Variants in GRK7 observed in about 807,000 individuals in gnomAD.
The protein encoded by GRK7 is G protein-coupled receptor kinase 7.
A neutral mutation model predicts 34.1 loss-of-function variants in GRK7; 24 were observed. That is an observed-to-expected ratio of 0.70 (90% CI 0.51 to 0.99). The LOEUF (loss-of-function observed/expected upper bound fraction) is 0.99. Among genes scored for constraint, GRK7 ranks in the 50% least tolerant of loss-of-function variants. The probability of loss-of-function intolerance (pLI) is 0.00; values close to 1 mark genes in which losing one functional copy is unlikely to be tolerated. For synonymous variants in GRK7, 256 were observed against 279.4 expected (o/e 0.92, Z 0.84); for missense variants, 644 against 707.3 (o/e 0.91, Z 1.02).
At chr3:141,755,669 T>A in the GRK7 span, among the ~76,000 whole-genome samples, 47,072 of 152,010 alleles carry the variant, frequency 0.31, 10,039 homozygotes, top group African/African-American at 0.61. Flanking sequence ...TCAAATTAAA[T>A]AGACTGATAA....
At chr3:141,759,343 T>G (rs1479736966), upstream of GRK7, among the ~76,000 whole-genome samples, 2 of 121,362 alleles carry the variant, frequency 1.6e-5, no homozygotes, top group Non-Finnish European at 3.5e-5. Context: ...AATACCTAAT[T>G]TATTGAGAGT....
chr3:141,790,460 C>G (rs1405819198), intron 4 of GRK7, among the ~76,000 whole-genome samples: 1 of 152,166 alleles, frequency 6.6e-6, no homozygotes, highest in Non-Finnish European at 1.5e-5. Context: ...AGAAAAGGAT[C>G]AGCCCCACCT....
chr3:141,792,099 G>A (rs1182246157), intron 4 of GRK7, among the ~76,000 whole-genome samples: 1 of 150,214 alleles, frequency 6.7e-6, no homozygotes, highest in African/African-American at 2.5e-5. Flanking sequence ...TAGTGGGGAA[G>A]ATAGAACTTA....
intron 4 of GRK7, among the ~76,000 whole-genome samples, chr3:141,786,748 A>G (rs1485582345): frequency 2.6e-5 from 4 of 152,006 alleles, no homozygotes; most frequent in African/African-American, 4.8e-5. Context: ...ACTGCACTCC[A>G]GCCAGGGTGA....
chr3:141,768,765 G>C (rs1197824967), intron 1 of GRK7, among the ~76,000 whole-genome samples: 1 of 152,026 alleles, frequency 6.6e-6, no homozygotes, highest in Non-Finnish European at 1.5e-5. Context: ...CCTACTCCAG[G>C]AGCCAGTGGT....
At chr3:141,777,342 T>TTTTTTTTTTTTTTTTTTTTTTTTAG in intron 2 of GRK7, among the ~76,000 whole-genome samples, 1 of 123,934 alleles carries the variant, frequency 8.1e-6, no homozygotes, top group Admixed American at 8.5e-5. Context: ...TTTTTTTTTT[T>TTTTTTTTTTTTTTTTTTTTTTTTAG]GAGACGGAGT....
intron 4 of GRK7, among the ~76,000 whole-genome samples, chr3:141,788,946 C>T (rs898400679): frequency 2.6e-5 from 4 of 152,198 alleles, no homozygotes; most frequent in Admixed American, 2.6e-4. Flanking sequence ...CACTACTACG[C>T]CTGGCTGAGG....
At chr3:141,791,326 C>T (rs2107884608) in intron 4 of GRK7, among the ~76,000 whole-genome samples, 1 of 152,112 alleles carries the variant, frequency 6.6e-6, no homozygotes, top group Middle Eastern at 3.4e-3. Flanking sequence ...TTAATGCCTC[C>T]ATATGTCACA....
intron 4 of GRK7, among the ~76,000 whole-genome samples, chr3:141,786,108 T>C (rs2084695016): frequency 6.6e-6 from 1 of 152,112 alleles, no homozygotes; most frequent in Non-Finnish European, 1.5e-5. Context: ...TGTTCACTTC[T>C]AGCAGCAAAG....
At chr3:141,780,952 GC>G in intron 4 of GRK7, 141 bp downstream of exon 4, 1 of 711,674 alleles carries the variant, frequency 1.4e-6, no homozygotes. Context: ...TTGTCATCTT[GC>G]CTTAAGATGA....
intron 4 of GRK7, among the ~76,000 whole-genome samples, chr3:141,793,585 A>T (rs2084735745): frequency 6.6e-6 from 1 of 152,126 alleles, no homozygotes; most frequent in African/African-American, 2.4e-5. Context: ...TGGAGTTGGG[A>T]TGACTCTTCT....
At chr3:141,814,577 T>C (rs891918091) in intron 5 of GRK7, among the ~76,000 whole-genome samples, 4 of 152,250 alleles carry the variant, frequency 2.6e-5, no homozygotes, top group Non-Finnish European at 5.9e-5. Context: ...TATGGCTGCA[T>C]ATTATTCCAT....
intron 5 of GRK7, among the ~76,000 whole-genome samples, chr3:141,814,222 C>CT (rs1476219481): frequency 3.6e-5 from 2 of 55,542 alleles, no homozygotes; most frequent in Admixed American, 1.6e-4. Context: ...GAAGACATTT[C>CT]TTTAAAAAAA....
Position 141,817,200 on chromosome 3 carries a change from A to G in GRK7, c.*150A>G, listed in dbSNP as rs1711164376. On this transcript the variant is annotated 3_prime_UTR_variant, in exon 6 of 6. Transcript: ENST00000682958. ...TCAAAAGACAGGCAAGCTCACTACT[A>G]GAACACATTTTATTTTCTTTTTCTT... 15 of 553,290 alleles carry G rather than the reference A, an allele frequency of 2.7e-5. 1 individual carries two copies. The South Asian group carries it at 4.7e-4, about 17-fold the overall frequency. 34.3% of individuals were successfully genotyped at this position (553,290 alleles called of 1,614,324 possible).
intron 4 of GRK7, among the ~76,000 whole-genome samples, chr3:141,797,509 T>C (rs1233025533): frequency 6.6e-6 from 1 of 152,214 alleles, no homozygotes; most frequent in Admixed American, 6.5e-5. Flanking sequence ...AGGAAACAGC[T>C]GATAGCGCTA....
chr3:141,806,808 T>C (rs1471341092), intron 4 of GRK7, among the ~76,000 whole-genome samples: 1 of 152,010 alleles, frequency 6.6e-6, no homozygotes, highest in Non-Finnish European at 1.5e-5. Flanking sequence ...GGAGATTGGT[T>C]GCACAACAGT....
chr3:141,769,839 G>A (rs966993049), intron 1 of GRK7, among the ~76,000 whole-genome samples: 10 of 152,182 alleles, frequency 6.6e-5, no homozygotes, highest in Non-Finnish European at 1.5e-4. Context: ...CTACCAGACA[G>A]CCCCTGTATT....
chr3:141,780,553 C>G lies in GRK7; in HGVS notation c.792C>G (p.Leu264=). 2 of 1,614,272 alleles carry G rather than the reference C, an allele frequency of 1.2e-6. No individual in the cohort carries two copies. ...LAYAFESKTH[L]CLVMSLMNGG... ...ATGCCTTTGAGAGCAAGACCCATCT[C>G]TGCCTTGTCATGAGCCTGATGAATG... The change falls in exon 4 of 6, where the codon CTC becomes CTG. Residue 264 remains leucine, a synonymous_variant. Coordinates refer to ENST00000682958, the MANE Select transcript of GRK7 (RefSeq NM_139209.3).
intron 4 of GRK7, among the ~76,000 whole-genome samples, chr3:141,801,310 CAAAAAA>C (rs55657739): frequency 1.0e-4 from 7 of 70,012 alleles, no homozygotes; most frequent in African/African-American, 3.5e-4. Flanking sequence ...GACTCCGTCT[CAAAAAA>C]AAAAAAAAAA....
Sources: gnomAD v4.1 joint callset for allele counts (sites outside exome capture counted in the v4.1 genomes callset) on GRCh38, gnomAD v4.1.1 for gene constraint, MANE v1.5 for transcripts, NCBI Gene and HGNC (gene_info 2026-07-23, HGNC 2026-07-21) for gene names.